The following AZIN2 variants were observed in gnomAD, a reference collection of about 807,000 sequenced individuals.
AZIN2 encodes the protein antizyme inhibitor 2.
Under a neutral mutation model 47.8 loss-of-function variants are expected in AZIN2, and 28 were observed. That is an observed-to-expected ratio of 0.59 (90% CI 0.43 to 0.80). The LOEUF is 0.80. Among genes scored for constraint, AZIN2 ranks in the 30% least tolerant of loss-of-function variants. The pLI is 0.00. For synonymous variants in AZIN2, 221 were observed against 239.4 expected (o/e 0.92, Z 0.71); for missense variants, 535 against 582.5 (o/e 0.92, Z 0.84).
At chr1:33,107,590 A>AAAAC (rs572283765) in intron 10 of AZIN2, among the ~76,000 whole-genome samples, 6 of 152,304 alleles carry the variant, frequency 3.9e-5, no homozygotes, top group South Asian at 4.1e-4. Flanking sequence ...AAAACAAAAC[A>AAAAC]AAACAAACAA....
the AZIN2 span, among the ~76,000 whole-genome samples, chr1:33,152,335 G>A: frequency 6.6e-6 from 1 of 152,194 alleles, no homozygotes; most frequent in Non-Finnish European, 1.5e-5. Flanking sequence ...GGAGGCCGAG[G>A]CAGGCGGATC....
rs138523544 is a variant in AZIN2, at chr1:33,093,111, G to A, written c.453-171G>A. 8.0e-4 allele frequency: 640 copies of A among 795,886 alleles called. 6 individuals carry two copies. In the African/African-American group the frequency reaches 1.0e-2, roughly 12 times the overall value. 49.3% of individuals were successfully genotyped at this position (795,886 alleles called of 1,614,324 possible). ...AATGGGTCAGGGACATTTAGAGAATGGATTGGACAGGACTTGAAGGTTGAT... is the reference window on the plus strand; with the variant it reads ...AATGGGTCAGGGACATTTAGAGAATAGATTGGACAGGACTTGAAGGTTGAT... On this transcript the variant is annotated intron_variant, in intron 6 of 11. Coordinates refer to ENST00000294517, the MANE Select transcript of AZIN2 (RefSeq NM_052998.4).
intron 5 of AZIN2, among the ~76,000 whole-genome samples, chr1:33,087,969 C>T (rs548504897): frequency 2.6e-5 from 4 of 152,252 alleles, no homozygotes; most frequent in South Asian, 4.1e-4. Flanking sequence ...CCCTTGGAAA[C>T]GTTCTCCATC....
At chr1:33,125,297 T>C (rs1479021421), downstream of AZIN2, among the ~76,000 whole-genome samples, 1 of 152,232 alleles carries the variant, frequency 6.6e-6, no homozygotes, top group Admixed American at 6.5e-5. Context: ...CCTGTGTAAA[T>C]TCAACCAGTA....
the AZIN2 span, among the ~76,000 whole-genome samples, chr1:33,141,507 T>A: frequency 6.6e-6 from 1 of 152,078 alleles, no homozygotes; most frequent in Non-Finnish European, 1.5e-5. Flanking sequence ...TCAGATTCGA[T>A]CACATCTAGT....
chr1:33,117,949 G>A lies in AZIN2; in HGVS notation c.1077G>A (p.Pro359=), dbSNP rs778333209. 4.7e-5 allele frequency: 76 copies of A among 1,613,476 alleles called. No homozygotes were observed. The highest frequency in any genetic ancestry group is 2.3e-4 in the Admixed American group (14 of 59,868). The change falls in exon 11 of 12, where the codon CCG becomes CCA. Residue 359 remains proline, a synonymous_variant. Transcript: ENST00000294517. ...QPLYSSSLWG[P]AVDGCDCVAE... is the part of the protein sequence containing the mutation. ...TGTACAGCAGCAGCCTGTGGGGCCCGGCGGTTGATGGCTGTGATTGCGTGG... is the reference window on the plus strand; with the variant it reads ...TGTACAGCAGCAGCCTGTGGGGCCCAGCGGTTGATGGCTGTGATTGCGTGG...
At chr1:33,107,179 G>A (rs1466350866) in intron 10 of AZIN2, among the ~76,000 whole-genome samples, 1 of 152,108 alleles carries the variant, frequency 6.6e-6, no homozygotes, top group Non-Finnish European at 1.5e-5. Flanking sequence ...AGCTACTTAG[G>A]AGGCTGAGGC....
At chr1:33,160,261 G>T in the AZIN2 span, among the ~76,000 whole-genome samples, 4 of 152,094 alleles carry the variant, frequency 2.6e-5, no homozygotes, top group Non-Finnish European at 4.4e-5. Context: ...TGGCTAGAGG[G>T]GTACAGAAGA....
At chr1:33,125,843 A>C (rs1570250386), downstream of AZIN2, among the ~76,000 whole-genome samples, 1 of 152,088 alleles carries the variant, frequency 6.6e-6, no homozygotes, top group Non-Finnish European at 1.5e-5. Context: ...GCTCAAATGT[A>C]ATGTTCTCAG....
rs1486506542 is a variant in AZIN2 at position 33,123,344 on chromosome 1, C to T, written c.*3162C>T. Among the ~76,000 whole-genome samples, 2 of 152,218 alleles carry T rather than the reference C, an allele frequency of 1.3e-5. No individual in the cohort carries two copies. Among genetic ancestry groups the T allele is most frequent in the African/African-American group, 4.8e-5 (2 of 41,460 alleles). On this transcript the variant is annotated 3_prime_UTR_variant, in exon 12 of 12. Coordinates refer to ENST00000294517, the MANE Select transcript of AZIN2 (RefSeq NM_052998.4). ...ACTGTCAGCCCTTCTAGAATGTGAGCTCTAGGCTCTTGGAATAAACCTGAT... is the reference window on the plus strand; with the variant it reads ...ACTGTCAGCCCTTCTAGAATGTGAGTTCTAGGCTCTTGGAATAAACCTGAT...
intron 4 of AZIN2, 35 bp downstream of exon 4, chr1:33,082,389 C>A: frequency 6.5e-7 from 1 of 1,542,698 alleles, no homozygotes; most frequent in Non-Finnish European, 8.9e-7. Flanking sequence ...GTCCCCGGTC[C>A]CCTGTACAGA....
chr1:33,098,071 A>G lies in AZIN2; in HGVS notation c.921A>G (p.Glu307=). The change falls in exon 10 of 12, where the codon GAA becomes GAG. Residue 307 remains glutamate, a synonymous_variant. Transcript: ENST00000294517. ...CTGAACCCTCCCCTCCTGCAGAGGA[A>G]AATGGTTCCACCTCCAAGACCATCG... is the stretch of plus-strand genomic sequence containing the variant. ...VLLDQPGREE[E]NGSTSKTIVY... 1.2e-6 allele frequency: 2 copies of G among 1,612,604 alleles called. No homozygotes were observed. The highest frequency in any genetic ancestry group is 1.7e-6 in the Non-Finnish European group (2 of 1,178,578).
At chr1:33,145,823 G>A in the AZIN2 span, 11 of 469,282 alleles carry the variant, frequency 2.3e-5, no homozygotes, top group South Asian at 1.7e-4. Flanking sequence ...GCAGAAAAAC[G>A]CAGGTGGGGC....
At chr1:33,146,797 G>A in the AZIN2 span, 6 of 275,626 alleles carry the variant, frequency 2.2e-5, no homozygotes, top group East Asian at 3.4e-4. Context: ...TGTGTCTTTC[G>A]GGCTGCCAAC....
At chr1:33,141,135 G>A in the AZIN2 span, among the ~76,000 whole-genome samples, 3 of 151,992 alleles carry the variant, frequency 2.0e-5, no homozygotes, top group Admixed American at 2.0e-4. Context: ...ACACCCCAGG[G>A]AGGACTTCCT....
At chr1:33,082,827 C>G (rs1641437046) in intron 4 of AZIN2, 2 of 160,492 alleles carry the variant, frequency 1.2e-5, no homozygotes, top group South Asian at 3.3e-4. Flanking sequence ...GTCAGAGCTT[C>G]CCTGCCTCCA....
chr1:33,096,961 G>C, intron 9 of AZIN2, 92 bp downstream of exon 9: 1 of 1,487,704 alleles, frequency 6.7e-7, no homozygotes, highest in Non-Finnish European at 9.3e-7. Flanking sequence ...CCCAGTGGCA[G>C]AGGATGGGGG....
chr1:33,147,204 C>T, the AZIN2 span: 54 of 1,613,622 alleles, frequency 3.3e-5, no homozygotes, highest in Admixed American at 6.7e-5. This position sits in a 1 kb window ranked among gnomAD's most constrained non-coding sequence, Gnocchi z 8.1. Flanking sequence ...TGATCCGCAG[C>T]GGCTGAACGT....
intron 11 of AZIN2, 26 bp from the exon 12 acceptor site, chr1:33,120,018 T>C: frequency 6.2e-7 from 1 of 1,613,064 alleles, no homozygotes; most frequent in Non-Finnish European, 8.5e-7. Context: ...TGCTGGCTAC[T>C]TGCAGCACCC....
Sources: allele counts gnomAD v4.1 joint callset (sites outside exome capture counted in the v4.1 genomes callset), GRCh38; gene constraint gnomAD v4.1.1; non-coding constraint Gnocchi (gnomAD v3.1); transcripts MANE v1.5; gene names NCBI Gene and HGNC (gene_info 2026-07-23, HGNC 2026-07-21).